Variants in MED13 observed in about 807,000 individuals in gnomAD.
MED13 encodes mediator complex subunit 13.
A neutral mutation model predicts 225.2 loss-of-function variants in MED13; 23 were observed. The ratio of observed to expected loss-of-function variants is 0.10; its 90% CI spans 0.07 to 0.14. The LOEUF (loss-of-function observed/expected upper bound fraction) is 0.14. MED13 is among the 10% of genes least tolerant of loss of function. The probability of loss-of-function intolerance (pLI) is 1.00; values close to 1 mark genes in which losing one functional copy is unlikely to be tolerated. For synonymous variants in MED13, 942 were observed against 889.2 expected, an observed-to-expected ratio of 1.06 and a Z score of -1.06; for missense variants, 2,197 against 2,594.5, an observed-to-expected ratio of 0.85 and a Z score of 3.33.
chr17:61,978,916 T>G (rs1362259795), intron 16 of MED13, among the ~76,000 whole-genome samples: 1 of 152,154 alleles, frequency 6.6e-6, no homozygotes, highest in African/African-American at 2.4e-5. Context: ...TTTCAAAAAT[T>G]TTCTTTAATA....
intron 3 of MED13, among the ~76,000 whole-genome samples, chr17:62,047,287 C>G (rs1334426652): frequency 6.6e-6 from 1 of 152,080 alleles, no homozygotes; most frequent in Non-Finnish European, 1.5e-5. Context: ...AGGAGAATTG[C>G]TTGAATCCAG....
At chr17:61,993,878 C>T (rs2080324102) in intron 10 of MED13, among the ~76,000 whole-genome samples, 1 of 151,814 alleles carries the variant, frequency 6.6e-6, no homozygotes, top group African/African-American at 2.4e-5. Context: ...TTGCAGTGAC[C>T]TAAGATCATA....
At chr17:61,948,204 A>AT (rs1271312324) in intron 28 of MED13, among the ~76,000 whole-genome samples, 3 of 152,186 alleles carry the variant, frequency 2.0e-5, no homozygotes, top group African/African-American at 7.2e-5. Context: ...TAAAACTAAA[A>AT]TAAGATATAT....
chr17:61,948,852 C>T (rs1214210611), intron 28 of MED13, among the ~76,000 whole-genome samples: 3 of 151,028 alleles, frequency 2.0e-5, no homozygotes, highest in Non-Finnish European at 3.0e-5. Flanking sequence ...TTTGGGAGGC[C>T]GAGGCGGGCG....
chr17:61,957,948 T>A (rs1292919197), intron 23 of MED13, among the ~76,000 whole-genome samples: 1 of 152,040 alleles, frequency 6.6e-6, no homozygotes, highest in Non-Finnish European at 1.5e-5. Context: ...CACTGCAAGT[T>A]CCGCCTCCTG....
intron 5 of MED13, 71 bp downstream of exon 5, chr17:62,033,716 T>TA: frequency 6.9e-7 from 1 of 1,438,860 alleles, no homozygotes; most frequent in Non-Finnish European, 9.6e-7. Context: ...ACTTGTTTGT[T>TA]ATTCAGCAAA....
intron 8 of MED13, among the ~76,000 whole-genome samples, chr17:62,021,078 A>G (rs1016967369): frequency 6.6e-6 from 1 of 150,762 alleles, no homozygotes; most frequent in Non-Finnish European, 1.5e-5. Flanking sequence ...AAAGTCTCCC[A>G]TGTCTACCTC....
chr17:61,959,446 T>C (rs183058329), intron 23 of MED13, among the ~76,000 whole-genome samples: 15 of 152,266 alleles, frequency 9.9e-5, no homozygotes, highest in Admixed American at 9.2e-4. Flanking sequence ...TAGCATATTC[T>C]TTCCCGAGTT....
Position 61,968,188 on chromosome 17 carries a change from C to T in MED13, c.4038G>A (p.Val1346=). 6.2e-7 allele frequency: 1 copy of T among 1,614,078 alleles called. No homozygotes were observed. Among genetic ancestry groups the T allele is most frequent in the Non-Finnish European group, 8.5e-7 (1 of 1,179,974 alleles). Residue 1346 remains valine, a synonymous_variant, in exon 18 of 30, where the codon GTG becomes GTA. Transcript: ENST00000397786. ...FLLGYDYDYL[V]LSPFALPYWE... Reference sequence around the variant, plus strand: ...AATAAGGAAGAGCAAATGGAGAAAGCACCAGATAATCATAATCATAACCCA... The same window carrying T: ...AATAAGGAAGAGCAAATGGAGAAAGTACCAGATAATCATAATCATAACCCA...
intron 28 of MED13, among the ~76,000 whole-genome samples, chr17:61,949,684 C>CTT (rs540753006): frequency 1.3e-5 from 2 of 151,588 alleles, no homozygotes; most frequent in African/African-American, 4.9e-5. Context: ...GATTATAAAT[C>CTT]TTTTTTTTGT....
intron 26 of MED13, among the ~76,000 whole-genome samples, chr17:61,954,698 A>G (rs1448949736): frequency 6.6e-6 from 1 of 152,076 alleles, no homozygotes; most frequent in Admixed American, 6.6e-5. Flanking sequence ...CATCGCTTGA[A>G]CCCAGGAGGT....
At chr17:62,057,160 T>C (rs1446437165) in intron 2 of MED13, among the ~76,000 whole-genome samples, 1 of 152,142 alleles carries the variant, frequency 6.6e-6, no homozygotes, top group Non-Finnish European at 1.5e-5. Context: ...AAATGTAACA[T>C]ATGCTAATGA....
rs1414765286 is a variant in MED13 at position 62,004,807 on chromosome 17, G to C, written c.1967+5743C>G. 4.6e-5 allele frequency: 7 copies of C among 152,148 alleles called. No homozygotes were observed. In the East Asian group the frequency reaches 1.2e-3, roughly 25 times the overall value. The allele number at this position is 152,148 out of a possible 1,614,324, so 9.4% of individuals were successfully genotyped here. A position where few individuals can be genotyped will look rare whatever the true frequency, so the allele number is the denominator to read the frequency against. On this transcript the variant is annotated intron_variant, in intron 9 of 29. Transcript: ENST00000397786. Reference sequence around the variant, plus strand: ...AGAAACAAGGAGACTAGTAATCTCAGGCCAAGAGCTGAGGCTGGCTTAGAC... The same window carrying C: ...AGAAACAAGGAGACTAGTAATCTCACGCCAAGAGCTGAGGCTGGCTTAGAC...
intron 2 of MED13, among the ~76,000 whole-genome samples, chr17:62,058,950 G>A (rs569673934): frequency 6.6e-6 from 1 of 152,286 alleles, no homozygotes; most frequent in East Asian, 1.9e-4. Context: ...AACTTGAAAG[G>A]AAGGTAACCC....
At chr17:61,994,471 A>C (rs9915402) in intron 10 of MED13, among the ~76,000 whole-genome samples, 3,458 of 152,296 alleles carry the variant, frequency 0.023, 120 homozygotes, top group African/African-American at 0.077. Context: ...AAAATAGCAC[A>C]TATTTTTTAA....
chr17:61,979,778 A>G (rs767985933), intron 16 of MED13, among the ~76,000 whole-genome samples: 4 of 152,144 alleles, frequency 2.6e-5, no homozygotes, highest in Non-Finnish European at 5.9e-5. Context: ...CTCCAATCAG[A>G]TTGACTGAAA....
At chr17:61,957,239 G>A (rs1437766985) in intron 23 of MED13, among the ~76,000 whole-genome samples, 1 of 152,028 alleles carries the variant, frequency 6.6e-6, no homozygotes, top group African/African-American at 2.4e-5. Context: ...CAGAGAGGGG[G>A]TTTCACCATG....
At chr17:62,035,339 C>T in intron 4 of MED13, 124 bp downstream of exon 4, 1 of 853,468 alleles carries the variant, frequency 1.2e-6, no homozygotes, top group East Asian at 2.8e-5. Flanking sequence ...AAGTAAATGA[C>T]ATCAAAATCA....
intron 8 of MED13, among the ~76,000 whole-genome samples, chr17:62,019,060 A>C (rs2080611668): frequency 5.3e-5 from 8 of 152,240 alleles, no homozygotes; most frequent in Admixed American, 5.2e-4. Context: ...TGTAGTATCA[A>C]AGAAGAATAT....
Sources: allele counts gnomAD v4.1 joint callset (sites outside exome capture counted in the v4.1 genomes callset), GRCh38; gene constraint gnomAD v4.1.1; transcripts MANE v1.5; gene names NCBI Gene and HGNC (gene_info 2026-07-23, HGNC 2026-07-21).